HDAC9: variants seen among roughly 807,000 people sequenced by gnomAD.
HDAC9 encodes the protein histone deacetylase 9, also known as MEF-2 interacting transcription repressor (MITR) protein.
In HDAC9, 41 loss-of-function variants were observed where a neutral mutation model predicts 139.4. The observed-to-expected ratio is 0.29, with a 90% CI of 0.23 to 0.38. The LOEUF is 0.38. Among genes scored for constraint, HDAC9 ranks in the 10% least tolerant of loss-of-function variants. HDAC9 has a pLI of 1.00. For synonymous variants in HDAC9, 517 were observed against 476.2 expected (o/e 1.09, Z -1.12); for missense variants, 1,147 against 1,297.0 (o/e 0.88, Z 1.78).
chr7:18,997,214 CTA>C lies in HDAC9; in HGVS notation c.*1154_*1155del, dbSNP rs1173595654. 1.3e-5 allele frequency: 2 copies of C among 150,966 alleles called. No individual in the cohort carries two copies. Among genetic ancestry groups the C allele is most frequent in the Non-Finnish European group, 2.9e-5 (2 of 67,876 alleles). The allele number at this position is 150,966 out of a possible 1,614,324, so 9.4% of individuals were successfully genotyped here. On this transcript the variant is annotated 3_prime_UTR_variant, in exon 26 of 26. Transcript: ENST00000686413. ...TCACTTAAGCAACGTTGCTAAATTT[CTA>C]TGTGTTTGAAATGTGTTAATGAAGG... is the stretch of plus-strand genomic sequence containing the variant.
intron 12 of HDAC9, among the ~76,000 whole-genome samples, chr7:18,669,628 C>T (rs904810104): frequency 1.3e-5 from 2 of 151,728 alleles, no homozygotes; most frequent in African/African-American, 4.8e-5. Flanking sequence ...TGCCTTTGAA[C>T]TATAAAATTA....
chr7:18,717,431 C>CCT, intron 12 of HDAC9, among the ~76,000 whole-genome samples: 1 of 137,242 alleles, frequency 7.3e-6, no homozygotes, highest in African/African-American at 2.8e-5. Flanking sequence ...TTACAATTTC[C>CCT]TTTTTTTTTT....
chr7:18,429,112 G>T (rs1175339840), intron 1 of HDAC9: 2 of 152,060 alleles, frequency 1.3e-5, no homozygotes, highest in African/African-American at 2.4e-5. Context: ...AACTAGCAAG[G>T]CTTGTTGTTT....
At chr7:18,183,158 T>C (rs111345625) in intron 2 of HDAC9, among the ~76,000 whole-genome samples, 4,797 of 152,064 alleles carry the variant, frequency 0.032, 176 homozygotes, top group African/African-American at 0.082. Context: ...TACAGGTGCC[T>C]GCCACCACAC....
At chr7:18,156,991 G>C (rs992762643) in intron 1 of HDAC9, among the ~76,000 whole-genome samples, 3 of 152,184 alleles carry the variant, frequency 2.0e-5, no homozygotes, top group African/African-American at 7.2e-5. Context: ...AGGAGGCTAA[G>C]GTGGGAGGAT....
At position 18,145,973 on chromosome 7, in the gene HDAC9, C is replaced by T. The variant is rs139763816; in HGVS notation, c.-96-16256C>T. ...CAATGGAACAAGAGATGATATTTCTCTGGAAAAAGGGCACATAGCAAATAT... is the reference window on the plus strand; with the variant it reads ...CAATGGAACAAGAGATGATATTTCTTTGGAAAAAGGGCACATAGCAAATAT... On this transcript the variant is annotated intron_variant, in intron 1 of 12. Transcript: ENST00000417496. Among the ~76,000 whole-genome samples the T allele has an allele frequency of 5.3e-5, 8 of 152,184 alleles. No individual in the cohort carries two copies. The East Asian group carries it at 1.5e-3, about 29-fold the overall frequency.
intron 6 of HDAC9, among the ~76,000 whole-genome samples, chr7:18,615,694 T>C (rs1210872137): frequency 6.6e-6 from 1 of 152,184 alleles, no homozygotes; most frequent in East Asian, 1.9e-4. Context: ...TAATTCCTAC[T>C]ACATTACCTA....
At chr7:18,953,451 C>G (rs989541332) in intron 23 of HDAC9, among the ~76,000 whole-genome samples, 2 of 152,008 alleles carry the variant, frequency 1.3e-5, no homozygotes, top group South Asian at 2.1e-4. Context: ...TCATTTCTTG[C>G]AAAGCAATGC....
chr7:18,715,432 G>C (rs1374773484), intron 12 of HDAC9, among the ~76,000 whole-genome samples: 1 of 152,100 alleles, frequency 6.6e-6, no homozygotes, highest in African/African-American at 2.4e-5. Flanking sequence ...ACCCATGCAT[G>C]CTTTGGGAGG....
intron 6 of HDAC9, among the ~76,000 whole-genome samples, chr7:18,595,184 A>G (rs1365497742): frequency 6.6e-6 from 1 of 152,058 alleles, no homozygotes; most frequent in African/African-American, 2.4e-5. Flanking sequence ...TAACTATTGC[A>G]AAACAACCTG....
intron 2 of HDAC9, among the ~76,000 whole-genome samples, chr7:18,531,093 G>C (rs897298190): frequency 5.9e-5 from 9 of 151,848 alleles, no homozygotes; most frequent in African/African-American, 1.5e-4. Context: ...TTAATGCATG[G>C]TAATAAGAAT....
At chr7:18,702,737 A>T (rs1214729651) in intron 12 of HDAC9, among the ~76,000 whole-genome samples, 1 of 152,230 alleles carries the variant, frequency 6.6e-6, no homozygotes, top group African/African-American at 2.4e-5. Context: ...ACTCGGCGGA[A>T]CAATTAGAAT....
intron 25 of HDAC9, among the ~76,000 whole-genome samples, chr7:18,989,907 G>T (rs903524993): frequency 2.0e-5 from 3 of 151,108 alleles, no homozygotes; most frequent in Non-Finnish European, 4.4e-5. Flanking sequence ...AGCTCCATCA[G>T]CTCCTTTAAG....
chr7:18,881,359 C>A (rs150317567), intron 22 of HDAC9, among the ~76,000 whole-genome samples: 1 of 152,002 alleles, frequency 6.6e-6, no homozygotes, highest in Non-Finnish European at 1.5e-5. Flanking sequence ...ATTCTAAGGT[C>A]CTCTCTTCTC....
At chr7:18,692,303 C>T (rs1013050716) in intron 12 of HDAC9, among the ~76,000 whole-genome samples, 10 of 152,098 alleles carry the variant, frequency 6.6e-5, no homozygotes, top group East Asian at 1.9e-4. Context: ...TGGAGACACC[C>T]GGAGTACTTT....
chr7:18,968,923 C>T (rs940613454), intron 24 of HDAC9, among the ~76,000 whole-genome samples: 3 of 137,890 alleles, frequency 2.2e-5, no homozygotes, highest in Non-Finnish European at 4.5e-5. Context: ...CTCGCCATTG[C>T]ACTCCAGCCT....
At chr7:18,592,044 G>T (rs1831142158) in intron 5 of HDAC9, among the ~76,000 whole-genome samples, 1 of 152,064 alleles carries the variant, frequency 6.6e-6, no homozygotes, top group Admixed American at 6.6e-5. Flanking sequence ...AATTTCAAAA[G>T]GTTTAGCAGA....
intron 1 of HDAC9, chr7:18,127,400 C>G (rs565405681): frequency 2.4e-5 from 4 of 170,010 alleles, no homozygotes; most frequent in Admixed American, 6.6e-5. Context: ...CCTTCTCTCT[C>G]CTTCTCTAGG....
intron 2 of HDAC9, among the ~76,000 whole-genome samples, chr7:18,541,925 C>T (rs1362603681): frequency 6.6e-6 from 1 of 152,156 alleles, no homozygotes; most frequent in Non-Finnish European, 1.5e-5. Flanking sequence ...AGACTTCCTA[C>T]AGATATATCC....
Sources: gnomAD v4.1 joint callset for allele counts (sites outside exome capture counted in the v4.1 genomes callset) on GRCh38, gnomAD v4.1.1 for gene constraint, MANE v1.5 for transcripts, NCBI Gene and HGNC (gene_info 2026-07-23, HGNC 2026-07-21) for gene names.